MME: variants seen among roughly 807,000 people sequenced by gnomAD.
MME encodes membrane metalloendopeptidase.
Under a neutral mutation model 113.2 loss-of-function variants are expected in MME, and 98 were observed. That is an observed-to-expected ratio of 0.87 (90% CI 0.74 to 1.02). The LOEUF is 1.02. Ranked by LOEUF, MME falls within the 50% of genes least tolerant of loss-of-function variation. The pLI, the probability that MME is intolerant of heterozygous loss-of-function variation, is 0.00. For missense variants in MME, 836 were observed against 896.0 expected, an observed-to-expected ratio of 0.93 and a Z score of 0.86; for synonymous variants, 292 against 300.6, an observed-to-expected ratio of 0.97 and a Z score of 0.30.
At chr3:155,147,009 C>G (rs1721566721) in intron 14 of MME, 135 bp from the exon 15 acceptor site, 2 of 661,304 alleles carry the variant, frequency 3.0e-6, no homozygotes, top group Non-Finnish European at 5.5e-6. Flanking sequence ...GCAAAGATCT[C>G]TGTTTAAGTA....
At chr3:155,140,418 T>A (rs1399477358) in intron 10 of MME, 126 bp downstream of exon 10, 3 of 555,990 alleles carry the variant, frequency 5.4e-6, no homozygotes, top group Non-Finnish European at 6.4e-6. Context: ...TCCTTTTTTT[T>A]TTTTTTTTTT....
chr3:155,131,789 A>G (rs541199740), intron 8 of MME, among the ~76,000 whole-genome samples: 7 of 152,210 alleles, frequency 4.6e-5, no homozygotes, highest in Non-Finnish European at 1.0e-4. Flanking sequence ...CTGTGTGACT[A>G]TATGTTTGCA....
intron 1 of MME, among the ~76,000 whole-genome samples, chr3:155,032,943 C>G (rs976812577): frequency 5.9e-5 from 9 of 152,128 alleles, no homozygotes; most frequent in South Asian, 2.1e-4. Context: ...TTACAATGAT[C>G]TAATTAGCTG....
chr3:155,077,971 G>A (rs1218681320), upstream of MME, among the ~76,000 whole-genome samples: 3 of 151,374 alleles, frequency 2.0e-5, no homozygotes, highest in African/African-American at 4.9e-5. Flanking sequence ...TTGGGAGACC[G>A]AGGTGTGTAG....
At chr3:155,074,517 C>A (rs372989401) in intron 1 of MME, among the ~76,000 whole-genome samples, 1 of 151,840 alleles carries the variant, frequency 6.6e-6, no homozygotes, top group Non-Finnish European at 1.5e-5. Context: ...CTGCAATCTC[C>A]GCTTCCCACA....
chr3:155,103,769 C>A (rs1421535149), intron 3 of MME, among the ~76,000 whole-genome samples: 1 of 152,086 alleles, frequency 6.6e-6, no homozygotes, highest in Non-Finnish European at 1.5e-5. Context: ...TCTTGAACAC[C>A]ATTATTTAGC....
intron 1 of MME, among the ~76,000 whole-genome samples, chr3:155,061,660 G>C (rs1190783628): frequency 2.7e-5 from 4 of 147,982 alleles, no homozygotes; most frequent in Non-Finnish European, 4.5e-5. Flanking sequence ...TTTATCTGTA[G>C]GTTTTTTTTT....
intron 17 of MME, among the ~76,000 whole-genome samples, chr3:155,163,125 T>C (rs1722837214): frequency 6.6e-6 from 1 of 151,926 alleles, no homozygotes; most frequent in Non-Finnish European, 1.5e-5. Context: ...TTTGGGATAA[T>C]GTCCATTATA....
At position 155,116,988 on chromosome 3, in the gene MME, T is replaced by A; in HGVS notation, c.654+2T>A. On this transcript the variant is annotated splice_donor_variant, in intron 7 of 22. Transcript: ENST00000360490. LOFTEE classifies it high-confidence loss of function. ...AATTCTGTGAATCATGTAATTCATGTAAGTTTGTGTGTCAAATAACTAAAG... is the reference window on the plus strand; with the variant it reads ...AATTCTGTGAATCATGTAATTCATGAAAGTTTGTGTGTCAAATAACTAAAG... 1 of 1,468,552 alleles carries A rather than the reference T, an allele frequency of 6.8e-7. No homozygotes were observed. Among genetic ancestry groups the A allele is most frequent in the Non-Finnish European group, 9.5e-7 (1 of 1,048,348 alleles). The allele number at this position is 1,468,552 out of a possible 1,614,324, so 91.0% of individuals were successfully genotyped here.
chr3:155,082,318 G>A (rs901575285), intron 1 of MME, among the ~76,000 whole-genome samples: 4 of 152,150 alleles, frequency 2.6e-5, no homozygotes, highest in African/African-American at 9.7e-5. Context: ...GACATATGCG[G>A]GGGGAACAAT....
At chr3:155,144,307 T>G (rs1296473615) in intron 13 of MME, 52 bp from the exon 14 acceptor site, 2 of 1,200,500 alleles carry the variant, frequency 1.7e-6, no homozygotes, top group African/African-American at 1.5e-5. Flanking sequence ...TAAAAATCTG[T>G]GTTACAAAGA....
At chr3:155,043,332 C>G (rs940556399) in intron 1 of MME, among the ~76,000 whole-genome samples, 4 of 147,724 alleles carry the variant, frequency 2.7e-5, no homozygotes, top group African/African-American at 1.0e-4. Flanking sequence ...CTTTTTCTTT[C>G]TTTCTTTTTT....
intron 20 of MME, 189 bp downstream of exon 20, chr3:155,168,986 G>C: frequency 3.5e-6 from 2 of 564,728 alleles, no homozygotes; most frequent in South Asian, 4.4e-5. Flanking sequence ...TTGATGTGAC[G>C]GAGCTGAACA....
At chr3:155,132,909 CG>C (rs1270618051) in intron 8 of MME, among the ~76,000 whole-genome samples, 5 of 150,596 alleles carry the variant, frequency 3.3e-5, no homozygotes, top group African/African-American at 1.2e-4. Flanking sequence ...AAAAATTAGC[CG>C]GGCATGGTGG....
chr3:155,077,662 G>A (rs748576583), upstream of MME, among the ~76,000 whole-genome samples: 3 of 151,832 alleles, frequency 2.0e-5, no homozygotes, highest in African/African-American at 7.3e-5. Flanking sequence ...GATTGCTTGA[G>A]CCCAGAGTTA....
chr3:155,121,366 G>A (rs983797870), intron 8 of MME, among the ~76,000 whole-genome samples: 3 of 150,860 alleles, frequency 2.0e-5, no homozygotes, highest in African/African-American at 7.3e-5. Context: ...CTGCAAACAG[G>A]GACAATTTGA....
intron 1 of MME, among the ~76,000 whole-genome samples, chr3:155,039,264 C>T (rs146079181): frequency 9.9e-5 from 15 of 152,200 alleles, no homozygotes; most frequent in Non-Finnish European, 1.8e-4. Flanking sequence ...CCTCTAGTGG[C>T]TTCTATTTTC....
chr3:155,058,135 A>G (rs1290138570), intron 1 of MME, among the ~76,000 whole-genome samples: 1 of 152,190 alleles, frequency 6.6e-6, no homozygotes, highest in African/African-American at 2.4e-5. Context: ...CCTTGTATTA[A>G]CCCCTGTAAA....
intron 7 of MME, among the ~76,000 whole-genome samples, chr3:155,117,599 GTTTTT>G (rs5853715): frequency 3.0e-4 from 40 of 131,454 alleles, no homozygotes; most frequent in Middle Eastern, 4.5e-3. Flanking sequence ...TTTTTTTTTT[GTTTTT>G]TTTTTTTTTT....
Sources: gnomAD v4.1 joint callset for allele counts (sites outside exome capture counted in the v4.1 genomes callset) on GRCh38, gnomAD v4.1.1 for gene constraint, MANE v1.5 for transcripts, NCBI Gene and HGNC (gene_info 2026-07-23, HGNC 2026-07-21) for gene names.